ORC4: variants seen among roughly 807,000 people sequenced by gnomAD.
ORC4 encodes the protein origin recognition complex, subunit 4 homolog.
A neutral mutation model predicts 63.9 loss-of-function variants in ORC4; 55 were observed. That is an observed-to-expected ratio of 0.86 (90% CI 0.69 to 1.08). The LOEUF (loss-of-function observed/expected upper bound fraction) is 1.08. Among genes scored for constraint, ORC4 ranks in the 50% least tolerant of loss-of-function variants. The probability of loss-of-function intolerance (pLI) is 0.00; values close to 1 mark genes in which losing one functional copy is unlikely to be tolerated. For synonymous variants in ORC4, 150 were observed against 168.5 expected, an observed-to-expected ratio of 0.89 and a Z score of 0.85; for missense variants, 511 against 504.4, an observed-to-expected ratio of 1.01 and a Z score of -0.13.
At chr2:148,017,680 AAAAAATCTCC>A (rs1208278875) in intron 1 of ORC4, among the ~76,000 whole-genome samples, 1 of 149,732 alleles carries the variant, frequency 6.7e-6, no homozygotes, top group African/African-American at 2.4e-5. Context: ...TCCAGGGGGG[AAAAAATCTCC>A]AAAAATTAAA....
intron 1 of ORC4, among the ~76,000 whole-genome samples, chr2:147,988,211 C>T (rs138948529): frequency 1.0e-3 from 155 of 152,134 alleles, no homozygotes; most frequent in African/African-American, 3.4e-3. Context: ...TCAACCCAGA[C>T]GCCCTAAGGA....
At chr2:147,955,536 C>A in intron 6 of ORC4, 141 bp from the exon 7 acceptor site, 1 of 582,042 alleles carries the variant, frequency 1.7e-6, no homozygotes, top group Non-Finnish European at 3.1e-6. Context: ...CTGAGTGTCT[C>A]TATACTTCCT....
intron 1 of ORC4, among the ~76,000 whole-genome samples, chr2:148,012,756 A>T (rs1423207872): frequency 6.6e-6 from 1 of 152,144 alleles, no homozygotes; most frequent in Non-Finnish European, 1.5e-5. Context: ...AGGAAAAAAA[A>T]ATCTGATTTT....
rs140918400 is a variant in ORC4 at position 148,019,211 on chromosome 2, T to C, written c.-18+1422A>G. Among the ~76,000 whole-genome samples, 176 of 152,272 alleles carry C rather than the reference T, an allele frequency of 1.2e-3. 1 individual carries two copies. In the Middle Eastern group the frequency reaches 0.02, roughly 18 times the overall value. ...ACAGAAGATACTAAGGGCTAAGCAATGATGCATAAACGGGGTCCACTGCCC... is the reference window on the plus strand; with the variant it reads ...ACAGAAGATACTAAGGGCTAAGCAACGATGCATAAACGGGGTCCACTGCCC... On this transcript the variant is annotated intron_variant, in intron 1 of 13. Coordinates refer to ENST00000392857, the MANE Select transcript of ORC4 (RefSeq NM_181741.4).
At chr2:148,002,147 C>T (rs1371233451) in intron 1 of ORC4, among the ~76,000 whole-genome samples, 1 of 151,682 alleles carries the variant, frequency 6.6e-6, no homozygotes, top group Non-Finnish European at 1.5e-5. Context: ...TTAGACCCCC[C>T]CACAACAATA....
chr2:148,005,204 C>A (rs547427832), intron 1 of ORC4, among the ~76,000 whole-genome samples: 1 of 152,124 alleles, frequency 6.6e-6, no homozygotes, highest in South Asian at 2.1e-4. Context: ...GGCACATATA[C>A]GCCATGGAAT....
At chr2:147,953,588 C>G (rs968926179) in intron 7 of ORC4, among the ~76,000 whole-genome samples, 8 of 152,052 alleles carry the variant, frequency 5.3e-5, no homozygotes, top group Non-Finnish European at 5.9e-5. Flanking sequence ...TGTAGAAATA[C>G]TTTTTATAAA....
In ORC4 at chr2:147,931,426, C is replaced by T. The variant is rs1007842224; in HGVS notation, c.*4084G>A. The T allele has an allele frequency of 4.6e-5, 7 of 152,014 alleles. No individual in the cohort carries two copies. The highest frequency in any genetic ancestry group is 9.7e-5 in the African/African-American group (4 of 41,376). The allele number at this position is 152,014 out of a possible 1,614,324, so 9.4% of individuals were successfully genotyped here. ...TTCCAGTTCTAGATCCCTGAGGAAT[C>T]GCCACACTGACTTCCACAATGGTTG... On this transcript the variant is annotated 3_prime_UTR_variant, in exon 14 of 14. Transcript: ENST00000392857.
At chr2:147,987,344 C>A (rs1691268516) in intron 1 of ORC4, among the ~76,000 whole-genome samples, 1 of 135,460 alleles carries the variant, frequency 7.4e-6, no homozygotes, top group South Asian at 2.5e-4. Context: ...AGAACAAGAA[C>A]TTTCCATATA....
intron 1 of ORC4, among the ~76,000 whole-genome samples, chr2:147,978,516 G>A (rs1196974897): frequency 1.3e-5 from 2 of 152,138 alleles, no homozygotes; most frequent in African/African-American, 4.8e-5. Context: ...GATTCAGACA[G>A]TTTTGTCTTC....
intron 1 of ORC4, among the ~76,000 whole-genome samples, chr2:147,997,252 C>G (rs1440175803): frequency 6.6e-6 from 1 of 151,680 alleles, no homozygotes; most frequent in Non-Finnish European, 1.5e-5. Context: ...CAGTGGTTGT[C>G]AAGAAAAGAG....
chr2:147,993,947 G>A lies in ORC4; in HGVS notation c.-17-17972C>T, dbSNP rs542959687. Among the ~76,000 whole-genome samples the A allele has an allele frequency of 1.5e-4, 23 of 152,140 alleles. No individual in the cohort carries two copies. In the East Asian group the frequency reaches 4.4e-3, roughly 29 times the overall value. On this transcript the variant is annotated intron_variant, in intron 1 of 13. Transcript: ENST00000392857. ...TGTCCCAATAGTATGCTATGATTAT[G>A]CACGTAGAAAATCCCAAAATAACAA...
At chr2:147,996,690 T>A (rs1384792420) in intron 1 of ORC4, among the ~76,000 whole-genome samples, 1 of 152,148 alleles carries the variant, frequency 6.6e-6, no homozygotes, top group East Asian at 1.9e-4. Flanking sequence ...GGGAATTACA[T>A]AATCAAACAA....
intron 9 of ORC4, among the ~76,000 whole-genome samples, chr2:147,944,420 G>A (rs888274735): frequency 2.0e-5 from 3 of 152,062 alleles, no homozygotes; most frequent in Admixed American, 6.6e-5. Context: ...TAAGAGAGAA[G>A]TGAGGTTCAA....
intron 8 of ORC4, among the ~76,000 whole-genome samples, chr2:147,949,996 G>A (rs1296712788): frequency 6.6e-6 from 1 of 152,126 alleles, no homozygotes; most frequent in Non-Finnish European, 1.5e-5. Context: ...TGATCAAAAT[G>A]GGATCATGGT....
intron 1 of ORC4, among the ~76,000 whole-genome samples, chr2:148,006,178 G>A (rs897648388): frequency 6.6e-6 from 1 of 152,186 alleles, no homozygotes; most frequent in Admixed American, 6.5e-5. Flanking sequence ...TTGGGAGAGA[G>A]AGCGAAAGTA....
At chr2:148,016,005 GCT>G (rs779358431) in intron 1 of ORC4, among the ~76,000 whole-genome samples, 1 of 152,148 alleles carries the variant, frequency 6.6e-6, no homozygotes, top group Non-Finnish European at 1.5e-5. Context: ...ATGAGAAGTT[GCT>G]GAAGAACTCA....
intron 1 of ORC4, among the ~76,000 whole-genome samples, chr2:147,987,368 G>A (rs58302988): frequency 0.018 from 1,111 of 61,372 alleles, 3 homozygotes; most frequent in Non-Finnish European, 0.024. Context: ...ATATATATAT[G>A]TGTGTGTGTG....
chr2:148,015,510 C>G (rs1315283978), intron 1 of ORC4, among the ~76,000 whole-genome samples: 1 of 151,512 alleles, frequency 6.6e-6, no homozygotes, highest in African/African-American at 2.4e-5. Flanking sequence ...GAGACAGGGT[C>G]TCACCATGTT....
Sources: allele counts gnomAD v4.1 joint callset (sites outside exome capture counted in the v4.1 genomes callset), GRCh38; gene constraint gnomAD v4.1.1; transcripts MANE v1.5; gene names NCBI Gene and HGNC (gene_info 2026-07-23, HGNC 2026-07-21).